Variants in ETS1 observed in about 807,000 individuals in gnomAD.
The protein encoded by ETS1 is ETS proto-oncogene 1, transcription factor, also known as protein C-ets-1.
A neutral mutation model predicts 58.6 loss-of-function variants in ETS1; 15 were observed. The observed-to-expected ratio is 0.26, with a 90% CI of 0.17 to 0.39. ETS1 has a LOEUF of 0.39. Ranked by LOEUF, ETS1 falls within the 10% of genes least tolerant of loss-of-function variation. The probability of loss-of-function intolerance (pLI) is 1.00; values close to 1 mark genes in which losing one functional copy is unlikely to be tolerated. For missense variants in ETS1, 417 were observed against 610.5 expected, an observed-to-expected ratio of 0.68 and a Z score of 3.34; for synonymous variants, 214 against 218.2, an observed-to-expected ratio of 0.98 and a Z score of 0.17.
rs529145777 is a variant in ETS1 at position 128,564,199 on chromosome 11, G to A, written c.70-7764C>T. Among the ~76,000 whole-genome samples the A allele has an allele frequency of 1.2e-4, 19 of 152,320 alleles. No homozygotes were observed. In the South Asian group the frequency reaches 3.1e-3, roughly 25 times the overall value. On this transcript the variant is annotated intron_variant, in intron 2 of 9. Coordinates refer to ENST00000392668, the MANE Select transcript of ETS1 (RefSeq NM_001143820.2). ...AAACAGAACCACTCCCCAGCTCTCC[G>A]GAGTTTGCTGATCAAGCCTGAGGGT...
intron 8 of ETS1, 60 bp downstream of exon 8, chr11:128,480,131 A>G: frequency 6.3e-7 from 1 of 1,592,368 alleles, no homozygotes; most frequent in South Asian, 1.1e-5. Flanking sequence ...AGTGCCTTCC[A>G]GGACCCCACC....
At chr11:128,581,618 G>T (rs2135595046) in intron 1 of ETS1, among the ~76,000 whole-genome samples, 1 of 152,284 alleles carries the variant, frequency 6.6e-6, no homozygotes, top group South Asian at 2.1e-4. Context: ...TCCAAGAATG[G>T]TCGTAATAGA....
intron 9 of ETS1, among the ~76,000 whole-genome samples, chr11:128,462,973 TA>T (rs1395054358): frequency 6.6e-6 from 1 of 152,254 alleles, no homozygotes; most frequent in African/African-American, 2.4e-5. Flanking sequence ...GCTGCAATCA[TA>T]CCTGCCTTTC....
chr11:128,571,010 T>A (rs1196422617), intron 2 of ETS1, among the ~76,000 whole-genome samples: 1 of 152,116 alleles, frequency 6.6e-6, no homozygotes, highest in Non-Finnish European at 1.5e-5. Flanking sequence ...CAGAAGCCAT[T>A]TTAAAAAGAA....
chr11:128,490,107 C>A (rs752640187), intron 4 of ETS1, among the ~76,000 whole-genome samples: 7 of 152,208 alleles, frequency 4.6e-5, no homozygotes, highest in Non-Finnish European at 8.8e-5. Flanking sequence ...AATCTTCATA[C>A]ATGACCTGAG....
At chr11:128,521,825 A>G (rs1014874597) in intron 3 of ETS1, 1 of 1,050,900 alleles carries the variant, frequency 9.5e-7, no homozygotes, top group Non-Finnish European at 1.4e-6. Context: ...CACCGCCCAG[A>G]AGGGAACGGC....
chr11:128,579,200 A>G (rs1397228320), intron 1 of ETS1, among the ~76,000 whole-genome samples: 1 of 152,192 alleles, frequency 6.6e-6, no homozygotes, highest in Admixed American at 6.5e-5. Context: ...GTGGCAGAAA[A>G]TGTAGATTTC....
At chr11:128,565,041 T>TAAATAAATAAAA (rs1231088035) in intron 2 of ETS1, among the ~76,000 whole-genome samples, 2 of 149,588 alleles carry the variant, frequency 1.3e-5, no homozygotes, top group Non-Finnish European at 3.0e-5. Flanking sequence ...AATAAATAAA[T>TAAATAAATAAAA]AAATAAATAA....
At chr11:128,548,851 A>C (rs1864180865) in intron 3 of ETS1, among the ~76,000 whole-genome samples, 1 of 152,236 alleles carries the variant, frequency 6.6e-6, no homozygotes, top group African/African-American at 2.4e-5. Flanking sequence ...TTATTTCAGC[A>C]GGGGAAGTGT....
Position 128,529,177 on chromosome 11 carries a change from G to A in ETS1, c.214+27114C>T, listed in dbSNP as rs1405150121. ...TCCTCCATCTTTATGAGAAAGAATA[G>A]ACTGTTACATGCTTTATGGTGAGCC... On this transcript the variant is annotated intron_variant, in intron 3 of 9. Transcript: ENST00000392668. 3.3e-5 allele frequency: 5 copies of A among 152,176 alleles called. No individual in the cohort carries two copies. The East Asian group carries it at 9.6e-4, about 29-fold the overall frequency. The allele number at this position is 152,176 out of a possible 1,614,324, so 9.4% of individuals were successfully genotyped here.
chr11:128,550,495 G>A lies in ETS1; in HGVS notation c.214+5796C>T, dbSNP rs1474757785. Among the ~76,000 whole-genome samples, 7 of 152,314 alleles carry A rather than the reference G, an allele frequency of 4.6e-5. No homozygotes were observed. In the East Asian group the frequency reaches 7.7e-4, roughly 17 times the overall value. ...GTGTGCGGGAGATATTAGGCATGTG[G>A]ACTCTCCCTAGCGGACTGCTTGGGC... On this transcript the variant is annotated intron_variant, in intron 3 of 9. Transcript: ENST00000392668.
chr11:128,498,678 G>A (rs992494684), intron 3 of ETS1, among the ~76,000 whole-genome samples: 26 of 152,120 alleles, frequency 1.7e-4, no homozygotes, highest in Non-Finnish European at 2.5e-4. Flanking sequence ...CCCAAGCTGC[G>A]TTTTAATTGT....
At chr11:128,538,480 T>C (rs553265563) in intron 3 of ETS1, among the ~76,000 whole-genome samples, 1 of 152,308 alleles carries the variant, frequency 6.6e-6, no homozygotes, top group East Asian at 1.9e-4. Flanking sequence ...GTACAGTGTT[T>C]CATACCAGGC....
chr11:128,561,843 A>G (rs1030197928), intron 2 of ETS1, among the ~76,000 whole-genome samples: 1 of 152,208 alleles, frequency 6.6e-6, no homozygotes, highest in African/African-American at 2.4e-5. Context: ...TGATGGGAGA[A>G]GGCAGGAAAG....
rs1254991042 is a variant in ETS1, at chr11:128,549,428, G to A, written c.214+6863C>T. Among the ~76,000 whole-genome samples the A allele has an allele frequency of 6.6e-6, 1 of 152,232 alleles. No homozygotes were observed. The highest frequency in any genetic ancestry group is 1.5e-5 in the Non-Finnish European group (1 of 68,026). ...CACCCCCGTGCGAGGAGTTCCAGGAGAGGGGTCAAACTGCTTGAATCGCAT... is the reference window on the plus strand; with the variant it reads ...CACCCCCGTGCGAGGAGTTCCAGGAAAGGGGTCAAACTGCTTGAATCGCAT... On this transcript the variant is annotated intron_variant, in intron 3 of 9. Coordinates refer to ENST00000392668, the MANE Select transcript of ETS1 (RefSeq NM_001143820.2). The surrounding 1 kb of genome is among the most constrained non-coding windows in gnomAD (Gnocchi z 4.3).
rs925186011 is a variant in ETS1, at chr11:128,464,256, T to C, written c.1124-629A>G. Among the ~76,000 whole-genome samples, 2 of 145,838 alleles carry C rather than the reference T, an allele frequency of 1.4e-5. No individual in the cohort carries two copies. The highest frequency in any genetic ancestry group is 3.0e-5 in the Non-Finnish European group (2 of 66,884). The stretch of plus-strand genomic sequence containing the variant: ...CCCAAAGGAAAAAAAAAAAAAAGCA[T>C]CATTACTATTTGAGGAATTAACGTG... On this transcript the variant is annotated intron_variant, in intron 8 of 9. Transcript: ENST00000392668. The surrounding 1 kb of genome is among the most constrained non-coding windows in gnomAD (Gnocchi z 4.1).
intron 2 of ETS1, among the ~76,000 whole-genome samples, chr11:128,570,605 GA>G (rs1864607589): frequency 6.6e-6 from 1 of 152,120 alleles, no homozygotes. Flanking sequence ...CCTGTAAATA[GA>G]ATTAACATGG....
At chr11:128,496,629 C>T (rs1465656644) in intron 3 of ETS1, among the ~76,000 whole-genome samples, 1 of 152,108 alleles carries the variant, frequency 6.6e-6, no homozygotes, top group Non-Finnish European at 1.5e-5. Flanking sequence ...AGAGGATTCT[C>T]CTGATAAAAA....
intron 3 of ETS1, among the ~76,000 whole-genome samples, chr11:128,496,514 T>G (rs1219494228): frequency 6.6e-6 from 1 of 152,084 alleles, no homozygotes; most frequent in Non-Finnish European, 1.5e-5. Context: ...GGAGATAAGG[T>G]GCCTTTACCC....
Sources: gnomAD v4.1 joint callset for allele counts (sites outside exome capture counted in the v4.1 genomes callset) on GRCh38, gnomAD v4.1.1 for gene constraint, Gnocchi (gnomAD v3.1) non-coding constraint, MANE v1.5 for transcripts, NCBI Gene and HGNC (gene_info 2026-07-23, HGNC 2026-07-21) for gene names.